AK8: variants seen among roughly 807,000 people sequenced by gnomAD.
AK8 encodes adenylate kinase 8, also known as ATP-AMP transphosphorylase 8.
AK8 carries 44 observed loss-of-function variants against 54.6 expected under a neutral mutation model. The observed-to-expected ratio is 0.81, with a 90% CI of 0.63 to 1.04. The LOEUF (loss-of-function observed/expected upper bound fraction) is 1.04, where lower values mean the gene tolerates loss of function less well. Ranked by LOEUF, AK8 falls within the 50% of genes least tolerant of loss-of-function variation. The pLI, the probability that AK8 is intolerant of heterozygous loss-of-function variation, is 0.00. For synonymous variants in AK8, 239 were observed against 245.6 expected, an observed-to-expected ratio of 0.97 and a Z score of 0.25; for missense variants, 555 against 613.6, an observed-to-expected ratio of 0.90 and a Z score of 1.01.
chr9:132,862,204 G>A (rs1315099855), intron 4 of AK8, among the ~76,000 whole-genome samples: 3 of 152,174 alleles, frequency 2.0e-5, no homozygotes, highest in Non-Finnish European at 4.4e-5. Context: ...CTGCAGGGGC[G>A]GCTGGGGGAC....
chr9:132,840,212 C>T (rs933347221), intron 5 of AK8, among the ~76,000 whole-genome samples: 6 of 152,112 alleles, frequency 3.9e-5, no homozygotes, highest in African/African-American at 1.4e-4. Context: ...AACATTCAAA[C>T]CAAAGCAAGC....
intron 11 of AK8, among the ~76,000 whole-genome samples, chr9:132,758,004 G>A (rs1590204755): frequency 6.6e-6 from 1 of 152,324 alleles, no homozygotes; most frequent in Non-Finnish European, 1.5e-5. Flanking sequence ...CCCTCACATC[G>A]CTGTCCTGAT....
chr9:132,861,798 A>G (rs1206987696), intron 4 of AK8, among the ~76,000 whole-genome samples: 1 of 152,238 alleles, frequency 6.6e-6, no homozygotes, highest in East Asian at 1.9e-4. Context: ...CTGTCTGCAG[A>G]CAAGGCCACG....
Position 132,823,324 on chromosome 9 carries a change from A to G in AK8, c.770T>C (p.Val257Ala), listed in dbSNP as rs1407797181. Residue 257 changes from valine (V) to alanine (A), a missense_variant, in exon 9 of 13, where the codon GTC becomes GCC. Transcript: ENST00000298545. Reference protein sequence around the residue: ...VDVFYQALTYVQSNHRTNAPF... With the variant: ...VDVFYQALTYAQSNHRTNAPF... ...GGCATTAGTACGATGGTTGCTTTGG[A>G]CATAGGTCAGAGCTGGAAAGAGAGG... 5.0e-6 allele frequency: 8 copies of G among 1,614,016 alleles called. No homozygotes were observed. Among genetic ancestry groups the G allele is most frequent in the Non-Finnish European group, 6.8e-6 (8 of 1,179,920 alleles).
intron 5 of AK8, among the ~76,000 whole-genome samples, chr9:132,831,426 G>A (rs1030139218): frequency 2.0e-5 from 3 of 152,050 alleles, no homozygotes; most frequent in Admixed American, 6.6e-5. Context: ...TTCAAGTCCC[G>A]TGAGTCTAGA....
At chr9:132,747,428 C>T (rs999888024) in intron 11 of AK8, among the ~76,000 whole-genome samples, 2 of 150,978 alleles carry the variant, frequency 1.3e-5, no homozygotes, top group Non-Finnish European at 3.0e-5. Flanking sequence ...GCTGGGATTA[C>T]AGGCATAAGG....
chr9:132,866,989 C>T (rs373794843), intron 2 of AK8, 36 bp from the exon 3 acceptor site: 6 of 1,603,424 alleles, frequency 3.7e-6, no homozygotes, highest in Non-Finnish European at 5.1e-6. Context: ...CACCACTCAA[C>T]ATGACAAGCA....
Position 132,737,054 on chromosome 9 carries a change from T to C in AK8, c.1122-9520A>G, listed in dbSNP as rs186669545. ...ACAAAAAAGTTCTGGAGATGAGCGG[T>C]GGTGATGTTTGTACAACAATGTGAA... On this transcript the variant is annotated intron_variant, in intron 11 of 12. Transcript: ENST00000298545. Among the ~76,000 whole-genome samples the C allele has an allele frequency of 5.6e-4, 85 of 152,082 alleles. No homozygotes were observed. In the Middle Eastern group the frequency reaches 0.02, roughly 37 times the overall value.
chr9:132,869,016 T>C (rs1009644754), intron 2 of AK8, among the ~76,000 whole-genome samples: 1 of 152,076 alleles, frequency 6.6e-6, no homozygotes, highest in Non-Finnish European at 1.5e-5. Context: ...CCATCTCTAC[T>C]GAAAATACAA....
intron 5 of AK8, among the ~76,000 whole-genome samples, chr9:132,839,325 T>C (rs1270267971): frequency 6.6e-6 from 1 of 152,206 alleles, no homozygotes; most frequent in Non-Finnish European, 1.5e-5. Flanking sequence ...ATTTTCCTTC[T>C]TTCCTGTCTT....
At chr9:132,777,224 C>T (rs1415322799) in intron 11 of AK8, among the ~76,000 whole-genome samples, 2 of 152,150 alleles carry the variant, frequency 1.3e-5, no homozygotes, top group Non-Finnish European at 2.9e-5. Context: ...CACAGAAAGG[C>T]ACAGAGCCCT....
chr9:132,780,912 T>TAA (rs1839437995), intron 11 of AK8, among the ~76,000 whole-genome samples: 1 of 151,980 alleles, frequency 6.6e-6, no homozygotes, highest in African/African-American at 2.4e-5. Context: ...GGGGGAGGGT[T>TAA]AAGGTCACAG....
chr9:132,796,398 A>C (rs1283223394), intron 10 of AK8, among the ~76,000 whole-genome samples: 1 of 152,274 alleles, frequency 6.6e-6, no homozygotes, highest in African/African-American at 2.4e-5. Context: ...AACTTGCATC[A>C]AAATTTAAAA....
intron 9 of AK8, among the ~76,000 whole-genome samples, chr9:132,814,969 A>G (rs1436277300): frequency 6.6e-6 from 1 of 152,258 alleles, no homozygotes; most frequent in East Asian, 1.9e-4. Flanking sequence ...AACACATTAA[A>G]AATGGACGGC....
At chr9:132,877,712 G>A (rs1355131856) in intron 1 of AK8, 1 of 391,096 alleles carries the variant, frequency 2.6e-6, no homozygotes, top group Non-Finnish European at 5.2e-6. Flanking sequence ...CCTCTCTGAG[G>A]ATGGAGATGC....
chr9:132,767,582 T>G (rs1405399378), intron 11 of AK8, among the ~76,000 whole-genome samples: 1 of 152,228 alleles, frequency 6.6e-6, no homozygotes, highest in Non-Finnish European at 1.5e-5. Flanking sequence ...ATCTGTCATG[T>G]GATCCCACAA....
Position 132,789,339 on chromosome 9 carries a change from T to C in AK8, c.1121+3295A>G, listed in dbSNP as rs188102871. The stretch of plus-strand genomic sequence containing the variant: ...TTGGCTAGGTGCAGTAGCTCATGCC[T>C]GTAATCCAAGCACTTTGGGAGGCTG... On this transcript the variant is annotated intron_variant, in intron 11 of 12. Transcript: ENST00000298545. Among the ~76,000 whole-genome samples, 1,485 of 151,098 alleles carry C rather than the reference T, an allele frequency of 9.8e-3. 14 individuals carry two copies. The highest frequency in any genetic ancestry group is 0.015 in the Non-Finnish European group (1,025 of 67,778).
At chr9:132,810,222 G>A (rs1257031397) in intron 10 of AK8, among the ~76,000 whole-genome samples, 2 of 152,226 alleles carry the variant, frequency 1.3e-5, no homozygotes, top group Non-Finnish European at 2.9e-5. Flanking sequence ...TGTAGGAAGA[G>A]CGAAAGTATA....
At chr9:132,765,475 C>G (rs1430359372) in intron 11 of AK8, among the ~76,000 whole-genome samples, 2 of 151,128 alleles carry the variant, frequency 1.3e-5, no homozygotes, top group Non-Finnish European at 2.9e-5. Flanking sequence ...TTCAACATCC[C>G]TTCTTGATAA....
Sources: gnomAD v4.1 joint callset for allele counts (sites outside exome capture counted in the v4.1 genomes callset) on GRCh38, gnomAD v4.1.1 for gene constraint, MANE v1.5 for transcripts, NCBI Gene and HGNC (gene_info 2026-07-23, HGNC 2026-07-21) for gene names.